UBR1: variants seen among roughly 807,000 people sequenced by gnomAD.
UBR1 encodes the protein E3 ubiquitin-protein ligase UBR1.
A neutral mutation model predicts 242.1 loss-of-function variants in UBR1; 102 were observed. That is an observed-to-expected ratio of 0.42 (90% CI 0.36 to 0.50). The LOEUF (loss-of-function observed/expected upper bound fraction) is 0.50, where lower values mean the gene tolerates loss of function less well. Ranked by LOEUF, UBR1 falls within the 20% of genes least tolerant of loss-of-function variation. The pLI, the probability that UBR1 is intolerant of heterozygous loss-of-function variation, is 0.01. For missense variants in UBR1, 1,772 were observed against 2,101.8 expected, an observed-to-expected ratio of 0.84 and a Z score of 3.07; for synonymous variants, 675 against 684.8, an observed-to-expected ratio of 0.99 and a Z score of 0.22.
intron 35 of UBR1, 62 bp from the exon 36 acceptor site, chr15:42,985,004 A>G: frequency 8.5e-7 from 1 of 1,172,936 alleles, no homozygotes; most frequent in South Asian, 1.4e-5. Flanking sequence ...CATATACTGT[A>G]CTTTTTATCA....
chr15:43,039,807 C>T (rs1277552139), intron 15 of UBR1, among the ~76,000 whole-genome samples: 2 of 152,080 alleles, frequency 1.3e-5, no homozygotes, highest in African/African-American at 4.8e-5. Flanking sequence ...ATGATATTGG[C>T]TGTGGGTTTG....
intron 6 of UBR1, among the ~76,000 whole-genome samples, chr15:43,063,713 C>T (rs1365438568): frequency 3.6e-5 from 1 of 27,538 alleles, no homozygotes; most frequent in Non-Finnish European, 7.0e-5. Context: ...TTTCAGAATG[C>T]CTGCCTTTTT....
At chr15:43,013,237 G>T (rs1377725244) in intron 29 of UBR1, among the ~76,000 whole-genome samples, 2 of 152,112 alleles carry the variant, frequency 1.3e-5, no homozygotes, top group African/African-American at 2.4e-5. Context: ...AGCAGTGAAA[G>T]CTTGTCTTTA....
At chr15:43,093,126 T>C (rs2034122823) in intron 1 of UBR1, among the ~76,000 whole-genome samples, 1 of 152,174 alleles carries the variant, frequency 6.6e-6, no homozygotes, top group South Asian at 2.1e-4. Context: ...TTCTCAACAT[T>C]AAAATTCCCA....
chr15:43,016,221 A>C (rs1316679957), intron 28 of UBR1, among the ~76,000 whole-genome samples: 1 of 152,230 alleles, frequency 6.6e-6, no homozygotes, highest in African/African-American at 2.4e-5. Context: ...TTGATTTCTA[A>C]CAGTTACTTC....
intron 4 of UBR1, among the ~76,000 whole-genome samples, chr15:43,072,105 G>A (rs2033830892): frequency 6.6e-6 from 1 of 152,078 alleles, no homozygotes; most frequent in Non-Finnish European, 1.5e-5. Context: ...ACCCACTTCA[G>A]CCTCCCAAAG....
intron 24 of UBR1, 120 bp from the exon 25 acceptor site, chr15:43,025,103 C>CT: frequency 7.8e-7 from 1 of 1,280,624 alleles, no homozygotes; most frequent in Non-Finnish European, 1.1e-6. Flanking sequence ...ACAACACATG[C>CT]TTTTTTGCTA....
At chr15:43,005,219 C>A (rs931116233) in intron 30 of UBR1, among the ~76,000 whole-genome samples, 2 of 152,086 alleles carry the variant, frequency 1.3e-5, no homozygotes, top group East Asian at 3.9e-4. Context: ...CATCTCCGCC[C>A]GGCAGCCGCC....
chr15:43,086,282 C>A, intron 1 of UBR1, 42 bp from the exon 2 acceptor site: 1 of 1,608,364 alleles, frequency 6.2e-7, no homozygotes, highest in South Asian at 1.1e-5. Flanking sequence ...CTTACAAGTT[C>A]CTTCTTAATC....
chr15:43,048,572 T>C (rs1841419863), intron 12 of UBR1, 81 bp from the exon 13 acceptor site: 2 of 1,100,264 alleles, frequency 1.8e-6, no homozygotes, highest in East Asian at 2.5e-5. Context: ...TAGACAATGT[T>C]GATTTATAAA....
At chr15:43,103,514 A>AC (rs1330150551) in intron 1 of UBR1, among the ~76,000 whole-genome samples, 1 of 152,214 alleles carries the variant, frequency 6.6e-6, no homozygotes, top group African/African-American at 2.4e-5. Context: ...AGATTCTTGG[A>AC]CCTCACCTCA....
intron 14 of UBR1, among the ~76,000 whole-genome samples, chr15:43,044,005 T>C (rs934524662): frequency 1.3e-5 from 2 of 152,156 alleles, no homozygotes; most frequent in East Asian, 3.9e-4. Context: ...TAAAAGAATA[T>C]GCATAATTTA....
intron 12 of UBR1, 38 bp from the exon 13 acceptor site, chr15:43,048,529 T>A: frequency 6.6e-7 from 1 of 1,511,366 alleles, no homozygotes; most frequent in Non-Finnish European, 9.2e-7. Flanking sequence ...TTCATTTATC[T>A]ATTTTGAGAT....
intron 44 of UBR1, 110 bp downstream of exon 44, chr15:42,957,903 A>G: frequency 9.9e-7 from 1 of 1,012,746 alleles, no homozygotes; most frequent in Non-Finnish European, 1.5e-6. Context: ...ACCCAAACCA[A>G]AACAAACAAA....
chr15:43,056,496 AAATCCCAATTTT>A, intron 10 of UBR1, 54 bp from the exon 11 acceptor site: 1 of 1,245,076 alleles, frequency 8.0e-7, no homozygotes, highest in Non-Finnish European at 1.2e-6. Flanking sequence ...GACCTTTAAA[AAATCCCAATTTT>A]AATAACTGCT....
At position 42,988,895 on chromosome 15, in the gene UBR1, T is replaced by C. The variant is rs1332684417; in HGVS notation, c.3921A>G (p.Lys1307=). 6.2e-7 allele frequency: 1 copy of C among 1,613,934 alleles called. No individual in the cohort carries two copies. Among genetic ancestry groups the C allele is most frequent in the Admixed American group, 1.7e-5 (1 of 60,028 alleles). The change falls in exon 35 of 47, where the codon AAA becomes AAG. Residue 1307 remains lysine, a synonymous_variant. Coordinates refer to ENST00000290650, the MANE Select transcript of UBR1 (RefSeq NM_174916.3). Reference sequence around the variant, plus strand: ...GAGGATCCCTTTCATCAGGTGGCACTTTCAATCCAATTCTATAAATTGTTG... The same window carrying C: ...GAGGATCCCTTTCATCAGGTGGCACCTTCAATCCAATTCTATAAATTGTTG... ...FATTIYRIGL[K]VPPDERDPRV...
At chr15:42,968,220 T>C (rs1197841528) in intron 40 of UBR1, among the ~76,000 whole-genome samples, 1 of 152,128 alleles carries the variant, frequency 6.6e-6, no homozygotes. Context: ...CAGAACAGTT[T>C]ACAAAAGTAA....
chr15:43,075,525 G>C (rs1255022033), intron 3 of UBR1, among the ~76,000 whole-genome samples: 2 of 151,920 alleles, frequency 1.3e-5, no homozygotes, highest in African/African-American at 2.4e-5. Context: ...TGCCATGCTG[G>C]TGTGCTGCAC....
At chr15:42,989,068 C>T in intron 34 of UBR1, 101 bp from the exon 35 acceptor site, 1 of 1,018,176 alleles carries the variant, frequency 9.8e-7, no homozygotes, top group South Asian at 1.4e-5. Context: ...TAACTGCTTT[C>T]AACATAAGTA....
Sources: gnomAD v4.1 joint callset for allele counts (sites outside exome capture counted in the v4.1 genomes callset) on GRCh38, gnomAD v4.1.1 for gene constraint, MANE v1.5 for transcripts, NCBI Gene and HGNC (gene_info 2026-07-23, HGNC 2026-07-21) for gene names.